The following NBEA variants were observed in gnomAD, a reference collection of about 807,000 sequenced individuals.
The protein encoded by NBEA is neurobeachin.
A neutral mutation model predicts 343.4 loss-of-function variants in NBEA; 44 were observed. The observed-to-expected ratio is 0.13, with a 90% CI of 0.10 to 0.16. The LOEUF is 0.16. Ranked by LOEUF, NBEA falls within the 10% of genes least tolerant of loss-of-function variation. The pLI is 1.00. For synonymous variants in NBEA, 1,175 were observed against 1,238.7 expected (o/e 0.95, Z 1.08); for missense variants, 2,555 against 3,631.3 (o/e 0.70, Z 7.62).
chr13:35,622,841 C>G (rs569883574), intron 48 of NBEA, among the ~76,000 whole-genome samples: 210 of 152,114 alleles, frequency 1.4e-3, no homozygotes, highest in African/African-American at 4.7e-3. Flanking sequence ...GAAATATTGT[C>G]TCCTCACAGT....
chr13:35,367,674 C>T lies in NBEA; in HGVS notation c.6179+15351C>T, dbSNP rs553365752. Among the ~76,000 whole-genome samples, 5 of 151,048 alleles carry T rather than the reference C, an allele frequency of 3.3e-5. No homozygotes were observed. The East Asian group carries it at 9.7e-4, about 29-fold the overall frequency. Reference sequence around the variant, plus strand: ...TTCAGAGCTAGGGAATAGAGTATTACACAAATAGAATTTTTATGCCTGTTT... The same window carrying T: ...TTCAGAGCTAGGGAATAGAGTATTATACAAATAGAATTTTTATGCCTGTTT... On this transcript the variant is annotated intron_variant, in intron 38 of 58. Coordinates refer to ENST00000379939, the MANE Select transcript of NBEA (RefSeq NM_001385012.1).
At chr13:35,667,327 GT>G in intron 56 of NBEA, 46 bp from the exon 57 acceptor site, 2 of 1,531,908 alleles carry the variant, frequency 1.3e-6, no homozygotes, top group South Asian at 1.2e-5. Flanking sequence ...CTAGTATGTC[GT>G]TTGTCGTCCC....
intron 48 of NBEA, among the ~76,000 whole-genome samples, chr13:35,607,798 A>G (rs2082340070): frequency 6.6e-6 from 1 of 152,174 alleles, no homozygotes; most frequent in African/African-American, 2.4e-5. Flanking sequence ...AAAGTTGTGC[A>G]ACCATCACCA....
chr13:35,050,068 T>A (rs2063011233), intron 5 of NBEA, among the ~76,000 whole-genome samples: 2 of 151,890 alleles, frequency 1.3e-5, no homozygotes, highest in Admixed American at 1.3e-4. Context: ...GCTGTCATAG[T>A]CTTTTATTTC....
At chr13:35,158,866 G>A (rs2069363963) in intron 21 of NBEA, 150 bp from the exon 22 acceptor site, 1 of 613,130 alleles carries the variant, frequency 1.6e-6, no homozygotes, top group South Asian at 2.9e-5. Flanking sequence ...ATGAAACTAA[G>A]CACTTGCTTT....
intron 7 of NBEA, 41 bp from the exon 8 acceptor site, chr13:35,058,676 A>T: frequency 6.7e-7 from 1 of 1,501,188 alleles, no homozygotes; most frequent in Non-Finnish European, 9.1e-7. Context: ...CCTTTTTGTC[A>T]TTAAAAATAA....
intron 38 of NBEA, among the ~76,000 whole-genome samples, chr13:35,398,916 A>AT (rs1258273644): frequency 1.3e-5 from 2 of 152,098 alleles, no homozygotes; most frequent in East Asian, 3.9e-4. Context: ...CCTAGGTGAC[A>AT]TTTTCTCCCT....
At chr13:35,085,508 A>C (rs1436348201) in intron 10 of NBEA, among the ~76,000 whole-genome samples, 2 of 152,190 alleles carry the variant, frequency 1.3e-5, no homozygotes, top group Non-Finnish European at 2.9e-5. Context: ...ATAGATGCAG[A>C]AAAGACCTTT....
At chr13:35,303,168 A>T (rs1196943241) in intron 35 of NBEA, among the ~76,000 whole-genome samples, 1 of 152,158 alleles carries the variant, frequency 6.6e-6, no homozygotes, top group African/African-American at 2.4e-5. Flanking sequence ...CATAATTAGT[A>T]ATACTTTTTC....
At chr13:35,380,658 G>T (rs908250728) in intron 38 of NBEA, among the ~76,000 whole-genome samples, 4 of 152,002 alleles carry the variant, frequency 2.6e-5, no homozygotes, top group African/African-American at 9.7e-5. Context: ...TTGCTTACTA[G>T]TTATAATAGT....
At chr13:35,211,404 T>C (rs938748293) in intron 33 of NBEA, among the ~76,000 whole-genome samples, 4 of 152,318 alleles carry the variant, frequency 2.6e-5, no homozygotes, top group Admixed American at 2.6e-4. Context: ...TGTCGTATAG[T>C]GTATAGTAAT....
intron 1 of NBEA, among the ~76,000 whole-genome samples, chr13:35,037,135 A>G (rs911211974): frequency 2.2e-4 from 33 of 152,114 alleles, no homozygotes; most frequent in African/African-American, 7.2e-4. Context: ...CCTTTCTTCA[A>G]GCTCATTAAT....
At chr13:35,414,506 T>G (rs2043785294) in intron 38 of NBEA, among the ~76,000 whole-genome samples, 1 of 152,108 alleles carries the variant, frequency 6.6e-6, no homozygotes. Flanking sequence ...TTGCGATAGT[T>G]TGCTCAGAAT....
In NBEA at chr13:35,584,004, C is replaced by T. The variant is rs770632699; in HGVS notation, c.7142C>T (p.Thr2381Ile). 2.5e-6 allele frequency: 4 copies of T among 1,613,614 alleles called. No homozygotes were observed. In the Admixed American group the frequency reaches 5.0e-5, roughly 20 times the overall value. ...TACCATTATAATACCCATTATTCAACAGCAACATCTACTTTATCCTGGCTT... is the reference window on the plus strand; with the variant it reads ...TACCATTATAATACCCATTATTCAATAGCAACATCTACTTTATCCTGGCTT... ...PPYHYNTHYSTATSTLSWLVR... is the reference protein window; with the variant it reads ...PPYHYNTHYSIATSTLSWLVR... The change falls in exon 46 of 59, where the codon ACA (threonine) becomes ATA (isoleucine). Residue 2381 changes from threonine to isoleucine, a missense_variant. By Grantham distance (89) the Thr-to-Ile change is moderately conservative. This residue lies in a region of NBEA where 156 missense variants were observed against 185.8 expected (regional missense o/e 0.84). Transcript: ENST00000379939.
At chr13:35,438,256 G>A (rs2045548278) in intron 39 of NBEA, among the ~76,000 whole-genome samples, 1 of 152,196 alleles carries the variant, frequency 6.6e-6, no homozygotes, top group South Asian at 2.1e-4. Flanking sequence ...ATTTATCTAA[G>A]CTTGTGAAGC....
chr13:35,123,457 A>G, intron 16 of NBEA, 25 bp from the exon 17 acceptor site: 1 of 1,353,008 alleles, frequency 7.4e-7, no homozygotes, highest in South Asian at 1.7e-5. Context: ...GTAAGTTTTT[A>G]AAAGATAATT....
chr13:35,051,439 T>A (rs2063062573), intron 6 of NBEA, among the ~76,000 whole-genome samples: 1 of 151,994 alleles, frequency 6.6e-6, no homozygotes, highest in Non-Finnish European at 1.5e-5. Context: ...AAATATATTA[T>A]TTTGGGTGGT....
intron 34 of NBEA, among the ~76,000 whole-genome samples, chr13:35,243,200 T>A (rs1471932238): frequency 6.6e-6 from 1 of 151,880 alleles, no homozygotes; most frequent in Non-Finnish European, 1.5e-5. Flanking sequence ...AGTTGTTCAG[T>A]TTAAAATGAA....
At chr13:35,201,597 T>G (rs1171229617) in intron 31 of NBEA, among the ~76,000 whole-genome samples, 1 of 152,054 alleles carries the variant, frequency 6.6e-6, no homozygotes. Flanking sequence ...TAATAGTTGG[T>G]CTCTCTTCAA....
Sources: gnomAD v4.1 joint callset for allele counts (sites outside exome capture counted in the v4.1 genomes callset) on GRCh38, gnomAD v4.1.1 for gene constraint, gnomAD v4.1.1 regional missense constraint, MANE v1.5 for transcripts, NCBI Gene and HGNC (gene_info 2026-07-23, HGNC 2026-07-21) for gene names.